The following PLPP4 variants were observed in gnomAD, a reference collection of about 807,000 sequenced individuals.
The protein encoded by PLPP4 is phospholipid phosphatase 4, also known as diacylglycerol pyrophosphate like 2.
Under a neutral mutation model 32.2 loss-of-function variants are expected in PLPP4, and 20 were observed. That is an observed-to-expected ratio of 0.62 (90% confidence interval 0.44 to 0.90). The LOEUF (loss-of-function observed/expected upper bound fraction) is 0.90. Ranked by LOEUF, PLPP4 falls within the 40% of genes least tolerant of loss-of-function variation. The pLI, the probability that PLPP4 is intolerant of heterozygous loss-of-function variation, is 0.00. For synonymous variants in PLPP4, 127 were observed against 133.0 expected (o/e 0.95, Z 0.31); for missense variants, 257 against 353.1 (o/e 0.73, Z 2.18).
intron 6 of PLPP4, among the ~76,000 whole-genome samples, chr10:120,580,159 G>T (rs1322821192): frequency 4.7e-5 from 7 of 150,238 alleles, no homozygotes; most frequent in African/African-American, 1.7e-4. Context: ...GAATGGAGAA[G>T]TGGGAACACA....
At chr10:120,531,889 CACACACAT>C (rs1353233823) in intron 5 of PLPP4, among the ~76,000 whole-genome samples, 71 of 149,730 alleles carry the variant, frequency 4.7e-4, no homozygotes, top group South Asian at 3.2e-3. Context: ...CACACACACA[CACACACAT>C]ATATATATAT....
At chr10:120,584,735 A>G (rs1023075984) in intron 6 of PLPP4, among the ~76,000 whole-genome samples, 1 of 152,218 alleles carries the variant, frequency 6.6e-6, no homozygotes, top group Non-Finnish European at 1.5e-5. Flanking sequence ...TCATAAAGTA[A>G]GTTATTGTTT....
chr10:120,534,124 T>C (rs1564822355), intron 5 of PLPP4, among the ~76,000 whole-genome samples: 2 of 152,250 alleles, frequency 1.3e-5, no homozygotes, highest in African/African-American at 2.4e-5. Context: ...CTAAAGACTT[T>C]AGTATTTTTT....
intron 2 of PLPP4, among the ~76,000 whole-genome samples, chr10:120,505,029 A>G (rs547899310): frequency 1.3e-5 from 2 of 152,372 alleles, no homozygotes; most frequent in East Asian, 3.9e-4. Context: ...GTAACCTTTT[A>G]CATTTCACTG....
intron 6 of PLPP4, among the ~76,000 whole-genome samples, chr10:120,577,788 A>T (rs1372980004): frequency 1.3e-5 from 2 of 152,174 alleles, no homozygotes; most frequent in Non-Finnish European, 2.9e-5. Flanking sequence ...ATACCCTTGG[A>T]GTCAGCCAGG....
At chr10:120,469,816 T>TTA (rs1848439848) in intron 1 of PLPP4, among the ~76,000 whole-genome samples, 1 of 152,182 alleles carries the variant, frequency 6.6e-6, no homozygotes. Context: ...CTTTAAGATA[T>TTA]TATATATATA....
intron 1 of PLPP4, among the ~76,000 whole-genome samples, chr10:120,500,338 G>A (rs1263950888): frequency 6.6e-6 from 1 of 152,226 alleles, no homozygotes; most frequent in Non-Finnish European, 1.5e-5. Flanking sequence ...GTCTCACAGA[G>A]TGGGGGTGTG....
intron 1 of PLPP4, among the ~76,000 whole-genome samples, chr10:120,484,152 A>T (rs1407744041): frequency 6.6e-6 from 1 of 152,068 alleles, no homozygotes; most frequent in East Asian, 1.9e-4. Flanking sequence ...CATTTTGGGG[A>T]TTTTCTTTTT....
intron 1 of PLPP4, among the ~76,000 whole-genome samples, chr10:120,495,370 A>G (rs980569236): frequency 6.6e-6 from 1 of 152,300 alleles, no homozygotes; most frequent in East Asian, 1.9e-4. Flanking sequence ...GAGATAATCC[A>G]TCAACATGTT....
rs748121013 is a variant in PLPP4 at position 120,514,051 on chromosome 10, G to A, written c.256+50G>A. On this transcript the variant is annotated intron_variant, in intron 3 of 6. Transcript: ENST00000398250. Reference sequence around the variant, plus strand: ...TAGGGAATGGGGCTGACCTTAATTAGATGATCACATTTAAGAAATCTCAGT... The same window carrying A: ...TAGGGAATGGGGCTGACCTTAATTAAATGATCACATTTAAGAAATCTCAGT... The A allele has an allele frequency of 2.3e-6, 3 of 1,326,692 alleles. No homozygotes were observed. The Admixed American group carries it at 5.0e-5, about 22-fold the overall frequency. 82.2% of individuals were successfully genotyped at this position (1,326,692 alleles called of 1,614,324 possible). A position where few individuals can be genotyped will look rare whatever the true frequency, so the allele number is the denominator to read the frequency against.
chr10:120,470,577 G>A lies in PLPP4; in HGVS notation c.56+13216G>A, dbSNP rs118082454. Among the ~76,000 whole-genome samples the A allele has an allele frequency of 8.1e-4, 123 of 152,158 alleles. 1 individual carries two copies. In the East Asian group the frequency reaches 0.022, roughly 28 times the overall value. ...TGTTCTTTAATTTTAATTTGCTAAT[G>A]TTTTGGTTCTTTATCTGTTACTTGT... On this transcript the variant is annotated intron_variant, in intron 1 of 6. Transcript: ENST00000398250.
At chr10:120,487,337 C>T (rs1011632771) in intron 1 of PLPP4, among the ~76,000 whole-genome samples, 3 of 152,208 alleles carry the variant, frequency 2.0e-5, no homozygotes, top group Non-Finnish European at 4.4e-5. Flanking sequence ...GGCAACTCTT[C>T]CGCTGATGTG....
At chr10:120,546,207 T>G (rs2133974237) in intron 5 of PLPP4, among the ~76,000 whole-genome samples, 1 of 152,256 alleles carries the variant, frequency 6.6e-6, no homozygotes, top group African/African-American at 2.4e-5. Flanking sequence ...TCAATACTCC[T>G]TAGTAAAATC....
intron 2 of PLPP4, among the ~76,000 whole-genome samples, chr10:120,507,920 C>T (rs1311511870): frequency 6.6e-6 from 1 of 152,166 alleles, no homozygotes; most frequent in African/African-American, 2.4e-5. Flanking sequence ...AACAGTTCAG[C>T]ATCACTAAAA....
chr10:120,535,199 G>A (rs1040676952), intron 5 of PLPP4, among the ~76,000 whole-genome samples: 1 of 152,082 alleles, frequency 6.6e-6, no homozygotes, highest in South Asian at 2.1e-4. Flanking sequence ...TTATGTCCAA[G>A]CATTTTCTAC....
At position 120,580,642 on chromosome 10, in the gene PLPP4, T is replaced by TACACACACACACAC. The variant is rs59076083; in HGVS notation, c.616+5366_616+5379dup. 3.3e-4 allele frequency among the ~76,000 whole-genome samples: 32 copies of TACACACACACACAC among 95,748 alleles called. 1 individual carries two copies. The highest frequency in any genetic ancestry group is 4.4e-4 in the Admixed American group (4 of 9,010). The allele number at this position is 95,748 out of a possible 152,430, so 62.8% of individuals were successfully genotyped here. On this transcript the variant is annotated intron_variant, in intron 6 of 6. Coordinates refer to ENST00000398250, the MANE Select transcript of PLPP4 (RefSeq NM_001030059.3). Reference sequence around the variant, plus strand: ...CATCTCTCTGTCTGCCTCTGTCTCTTACACACACACACACACACACACACA... The same window carrying TACACACACACACAC: ...CATCTCTCTGTCTGCCTCTGTCTCTTACACACACACACACACACACACACACACACACACACACA...
intron 6 of PLPP4, among the ~76,000 whole-genome samples, chr10:120,576,167 A>G (rs1276445234): frequency 1.3e-5 from 2 of 152,356 alleles, no homozygotes; most frequent in East Asian, 1.9e-4. Flanking sequence ...ATGAAGTCTA[A>G]GAAACACTGG....
At chr10:120,557,204 C>T (rs1848201745) in intron 5 of PLPP4, among the ~76,000 whole-genome samples, 1 of 152,116 alleles carries the variant, frequency 6.6e-6, no homozygotes, top group African/African-American at 2.4e-5. Flanking sequence ...GACTTTTCAC[C>T]CTCAAGAAAT....
intron 1 of PLPP4, among the ~76,000 whole-genome samples, chr10:120,472,878 C>T (rs1848579339): frequency 6.6e-6 from 1 of 152,088 alleles, no homozygotes; most frequent in African/African-American, 2.4e-5. Flanking sequence ...TGTGTCTATT[C>T]TGCTGGTATG....
Sources: gnomAD v4.1 joint callset for allele counts (sites outside exome capture counted in the v4.1 genomes callset) on GRCh38, gnomAD v4.1.1 for gene constraint, MANE v1.5 for transcripts, NCBI Gene and HGNC (gene_info 2026-07-23, HGNC 2026-07-21) for gene names.